SPOCK3: variants seen among roughly 807,000 people sequenced by gnomAD.
SPOCK3 encodes SPARC (osteonectin), cwcv and kazal like domains proteoglycan 3, also known as testican-3.
SPOCK3 carries 30 observed loss-of-function variants against 56.6 expected under a neutral mutation model. That is an observed-to-expected ratio of 0.53 (90% CI 0.40 to 0.72). The LOEUF (loss-of-function observed/expected upper bound fraction) is 0.72. Ranked by LOEUF, SPOCK3 falls within the 30% of genes least tolerant of loss-of-function variation. The pLI is 0.00. For missense variants in SPOCK3, 527 were observed against 530.0 expected, an observed-to-expected ratio of 0.99 and a Z score of 0.06; for synonymous variants, 196 against 183.3, an observed-to-expected ratio of 1.07 and a Z score of -0.56.
intron 3 of SPOCK3, among the ~76,000 whole-genome samples, chr4:167,004,938 C>A (rs192649100): frequency 2.0e-5 from 3 of 152,104 alleles, no homozygotes; most frequent in Admixed American, 2.0e-4. Context: ...ATCTTGTATT[C>A]CAAGGAGAGG....
rs2124452 is a variant in SPOCK3 at position 166,842,941 on chromosome 4, G to T, written c.589+46189C>A. Among the ~76,000 whole-genome samples the T allele has an allele frequency of 3.3e-5, 5 of 152,234 alleles. No homozygotes were observed. The East Asian group carries it at 9.7e-4, about 30-fold the overall frequency. The stretch of plus-strand genomic sequence containing the variant: ...TGCGGGGGACCCCACAGTCAGGCAT[G>T]GCAGGCTGCAGATCCTGAGCCCTGC... On this transcript the variant is annotated intron_variant, in intron 6 of 10. Coordinates refer to ENST00000357545, the MANE Select transcript of SPOCK3 (RefSeq NM_001040159.2).
chr4:167,141,308 G>T (rs117939393), intron 2 of SPOCK3, among the ~76,000 whole-genome samples: 1 of 151,950 alleles, frequency 6.6e-6, no homozygotes, highest in Non-Finnish European at 1.5e-5. Context: ...CCTAGTGCTC[G>T]TCTGTCACCA....
At chr4:166,931,093 T>C (rs999747360) in intron 4 of SPOCK3, among the ~76,000 whole-genome samples, 1 of 152,154 alleles carries the variant, frequency 6.6e-6, no homozygotes, top group African/African-American at 2.4e-5. Flanking sequence ...GCAATTCTCC[T>C]GCTTCAGCCT....
intron 4 of SPOCK3, among the ~76,000 whole-genome samples, chr4:166,975,179 A>G (rs1389209670): frequency 1.3e-5 from 2 of 152,138 alleles, no homozygotes; most frequent in African/African-American, 4.8e-5. Context: ...AGAACTGTAA[A>G]AAATACATTT....
At chr4:167,025,944 TTACTGCACTGAACACTG>T (rs1751661349) in intron 3 of SPOCK3, among the ~76,000 whole-genome samples, 2 of 152,164 alleles carry the variant, frequency 1.3e-5, no homozygotes, top group South Asian at 4.1e-4. Context: ...GTACAGCATG[TTACTGCACTGAACACTG>T]TAGGCCCTTG....
chr4:167,184,505 T>C (rs1323587110), intron 2 of SPOCK3, among the ~76,000 whole-genome samples: 1 of 152,182 alleles, frequency 6.6e-6, no homozygotes, highest in East Asian at 1.9e-4. Context: ...GAAGGCACTT[T>C]ACCAGAATTA....
intron 3 of SPOCK3, among the ~76,000 whole-genome samples, chr4:167,022,639 T>C (rs1751302657): frequency 6.6e-6 from 1 of 152,018 alleles, no homozygotes. Context: ...TGAATTCCAT[T>C]GCATTATGAA....
chr4:167,106,787 C>T lies in SPOCK3; in HGVS notation c.190-44250G>A, dbSNP rs186190877. On this transcript the variant is annotated intron_variant, in intron 2 of 10. Coordinates refer to ENST00000357545, the MANE Select transcript of SPOCK3 (RefSeq NM_001040159.2). ...ATTAAAAAAAAAGGGACAGAAGACC[C>T]AAGTAAATAAAATCAGAGATGAACA... Among the ~76,000 whole-genome samples, 869 of 149,168 alleles carry T rather than the reference C, an allele frequency of 5.8e-3. 6 individuals are homozygous for T. Among genetic ancestry groups the T allele is most frequent in the Non-Finnish European group, 9.6e-3 (648 of 67,164 alleles).
intron 2 of SPOCK3, among the ~76,000 whole-genome samples, chr4:167,212,498 C>T (rs1734976602): frequency 2.0e-5 from 3 of 152,100 alleles, no homozygotes; most frequent in Admixed American, 2.0e-4. Flanking sequence ...GCCTCGGCCT[C>T]CCAAAGTGCT....
At chr4:166,948,695 T>A (rs1294221963) in intron 4 of SPOCK3, among the ~76,000 whole-genome samples, 2 of 152,140 alleles carry the variant, frequency 1.3e-5, no homozygotes, top group Non-Finnish European at 2.9e-5. Flanking sequence ...ACTTGTAGAG[T>A]TTCTGCTGAG....
chr4:167,055,224 T>C (rs1224873481), intron 3 of SPOCK3, among the ~76,000 whole-genome samples: 4 of 152,184 alleles, frequency 2.6e-5, no homozygotes, highest in Non-Finnish European at 4.4e-5. Flanking sequence ...GTGAAAAATA[T>C]GGTAAATTAA....
chr4:166,858,256 C>T (rs1330011001), intron 6 of SPOCK3, among the ~76,000 whole-genome samples: 1 of 152,156 alleles, frequency 6.6e-6, no homozygotes, highest in African/African-American at 2.4e-5. Flanking sequence ...GGAAGGCTCC[C>T]TATTTTCCCA....
At chr4:166,928,181 A>G (rs1739330024) in intron 4 of SPOCK3, among the ~76,000 whole-genome samples, 1 of 152,182 alleles carries the variant, frequency 6.6e-6, no homozygotes, top group Non-Finnish European at 1.5e-5. Flanking sequence ...CTTCCTCTCA[A>G]ACTAAACATA....
At chr4:166,811,848 A>G (rs1465860015) in intron 6 of SPOCK3, among the ~76,000 whole-genome samples, 1 of 151,780 alleles carries the variant, frequency 6.6e-6, no homozygotes, top group Admixed American at 6.6e-5. Context: ...GTATTTTTTT[A>G]TTACTACTTG....
At chr4:166,991,606 G>A (rs1201779492) in intron 4 of SPOCK3, among the ~76,000 whole-genome samples, 2 of 151,916 alleles carry the variant, frequency 1.3e-5, no homozygotes, top group African/African-American at 4.8e-5. Context: ...ATGGCCTCAA[G>A]TCACCTGCCC....
At chr4:166,989,950 T>C (rs953138754) in intron 4 of SPOCK3, among the ~76,000 whole-genome samples, 1 of 152,190 alleles carries the variant, frequency 6.6e-6, no homozygotes, top group South Asian at 2.1e-4. Flanking sequence ...TCTGCTTCCA[T>C]CTTATAAGTA....
chr4:167,083,058 G>A (rs1026379670), intron 2 of SPOCK3, among the ~76,000 whole-genome samples: 9 of 151,974 alleles, frequency 5.9e-5, no homozygotes, highest in South Asian at 2.1e-4. Context: ...TTCAGACAAC[G>A]TCGTTGTAAA....
chr4:167,029,125 T>C (rs1005016260), intron 3 of SPOCK3, among the ~76,000 whole-genome samples: 11 of 152,024 alleles, frequency 7.2e-5, no homozygotes, highest in Non-Finnish European at 1.5e-4. Flanking sequence ...TGAGTCCATG[T>C]ATTCTCATCA....
At position 166,774,286 on chromosome 4, in the gene SPOCK3, C is replaced by T. The variant is rs571256449; in HGVS notation, c.709+17884G>A. 7.9e-5 allele frequency among the ~76,000 whole-genome samples: 12 copies of T among 152,238 alleles called. 1 individual carries two copies. Among genetic ancestry groups the T allele is most frequent in the Admixed American group, 7.2e-4 (11 of 15,288 alleles). ...GTAAGAGTGGACAGGGAGTTTCTTA[C>T]CAAATTGATAACTGTCTTAGGAAGA... On this transcript the variant is annotated intron_variant, in intron 7 of 10. Transcript: ENST00000357545.
Sources: allele counts gnomAD v4.1 joint callset (sites outside exome capture counted in the v4.1 genomes callset), GRCh38; gene constraint gnomAD v4.1.1; transcripts MANE v1.5; gene names NCBI Gene and HGNC (gene_info 2026-07-23, HGNC 2026-07-21).